The following RPRD1A variants were observed in gnomAD, a reference collection of about 807,000 sequenced individuals.
RPRD1A encodes the protein regulation of nuclear pre-mRNA domain containing 1A, also known as regulation of nuclear pre-mRNA domain-containing protein 1A.
A neutral mutation model predicts 37.8 loss-of-function variants in RPRD1A; 9 were observed. The ratio of observed to expected loss-of-function variants is 0.24; its 90% CI spans 0.14 to 0.42. The LOEUF is 0.42. RPRD1A is among the 10% of genes least tolerant of loss of function. The pLI is 1.00. For synonymous variants in RPRD1A, 138 were observed against 139.7 expected (o/e 0.99, Z 0.08); for missense variants, 255 against 371.0 (o/e 0.69, Z 2.57).
At chr18:36,028,974 G>A (rs1036952931) in intron 4 of RPRD1A, among the ~76,000 whole-genome samples, 2 of 152,142 alleles carry the variant, frequency 1.3e-5, no homozygotes, top group Non-Finnish European at 2.9e-5. Context: ...CTAGAACTTA[G>A]GTAAAACACT....
chr18:36,032,653 T>C (rs1460316608), intron 2 of RPRD1A, among the ~76,000 whole-genome samples: 1 of 152,130 alleles, frequency 6.6e-6, no homozygotes, highest in East Asian at 1.9e-4. Context: ...GGGAAAGAAA[T>C]CCAAAGAACC....
intron 2 of RPRD1A, 72 bp downstream of exon 2, chr18:36,033,636 A>G: frequency 7.4e-7 from 1 of 1,343,290 alleles, no homozygotes; most frequent in Non-Finnish European, 1.0e-6. Flanking sequence ...TAATAGTTTA[A>G]GGCAAATTTT....
rs1332271611 is a variant in RPRD1A at position 36,067,250 on chromosome 18, T to C, written c.151+4A>G. On this transcript the variant is annotated splice_donor_region_variant and intron_variant, in intron 1 of 6. Coordinates refer to ENST00000399022, the MANE Select transcript of RPRD1A (RefSeq NM_018170.5). Reference sequence around the variant, plus strand: ...GAAGCGGCCGACATAAGCGGTTGACTCACCTTTCCGCAGCTCCCGCTCCCA... The same window carrying C: ...GAAGCGGCCGACATAAGCGGTTGACCCACCTTTCCGCAGCTCCCGCTCCCA... The C allele has an allele frequency of 6.3e-7, 1 of 1,579,522 alleles. No individual in the cohort carries two copies.
intron 6 of RPRD1A, chr18:36,025,316 G>T (rs1911287622): frequency 4.4e-6 from 1 of 228,382 alleles, no homozygotes; most frequent in Non-Finnish European, 8.8e-6. Context: ...AGTTGCTTAT[G>T]TGAAGTGCCT....
chr18:36,055,213 T>C (rs1464935315), intron 1 of RPRD1A, among the ~76,000 whole-genome samples: 1 of 152,226 alleles, frequency 6.6e-6, no homozygotes, highest in Non-Finnish European at 1.5e-5. Context: ...TTGACAAAAA[T>C]GATTTGCTAG....
At chr18:36,042,040 G>A (rs527461719) in intron 1 of RPRD1A, among the ~76,000 whole-genome samples, 2 of 152,288 alleles carry the variant, frequency 1.3e-5, no homozygotes, top group East Asian at 1.9e-4. Flanking sequence ...ATTTTCTATT[G>A]TTTTCCAAAC....
chr18:36,022,102 C>T (rs1911034056), intron 6 of RPRD1A, among the ~76,000 whole-genome samples: 1 of 152,188 alleles, frequency 6.6e-6, no homozygotes, highest in African/African-American at 2.4e-5. Flanking sequence ...GAAGATCAAA[C>T]CAGCCACATT....
chr18:36,041,661 T>C (rs960860042), intron 1 of RPRD1A, among the ~76,000 whole-genome samples: 2 of 152,202 alleles, frequency 1.3e-5, no homozygotes, highest in Admixed American at 1.3e-4. Context: ...ACCTATAGAT[T>C]CTAACAACTT....
At chr18:36,061,464 T>C (rs2088909154) in intron 1 of RPRD1A, among the ~76,000 whole-genome samples, 1 of 152,190 alleles carries the variant, frequency 6.6e-6, no homozygotes, top group Non-Finnish European at 1.5e-5. Context: ...TACAAAGAAT[T>C]TCCTCCTATC....
Position 36,001,831 on chromosome 18 carries a change from C to G in RPRD1A, c.790-8531G>C, listed in dbSNP as rs75866694. On this transcript the variant is annotated intron_variant, in intron 6 of 6. Transcript: ENST00000399022. ...ATTTCTCGTCCTTGTTATTCGACCT[C>G]TTTTTGACCACCTCCAGCACTAGCA... Among the ~76,000 whole-genome samples, 591 of 152,306 alleles carry G rather than the reference C, an allele frequency of 3.9e-3. 2 individuals are homozygous for G. Among genetic ancestry groups the G allele is most frequent in the Middle Eastern group, 0.014 (4 of 294 alleles).
At chr18:36,037,851 T>A (rs1332777944) in intron 1 of RPRD1A, among the ~76,000 whole-genome samples, 1 of 152,114 alleles carries the variant, frequency 6.6e-6, no homozygotes, top group East Asian at 1.9e-4. Context: ...ACGGGCAGCA[T>A]TTTGCCCCTG....
intron 2 of RPRD1A, 74 bp from the exon 3 acceptor site, chr18:36,031,171 G>C: frequency 7.0e-7 from 1 of 1,418,614 alleles, no homozygotes; most frequent in Non-Finnish European, 9.2e-7. Flanking sequence ...AAGGTTAACG[G>C]TAACTTTAAA....
chr18:36,015,092 C>A (rs377194546), intron 6 of RPRD1A, among the ~76,000 whole-genome samples: 2 of 151,170 alleles, frequency 1.3e-5, no homozygotes, highest in East Asian at 1.9e-4. Flanking sequence ...TTCAACCTCT[C>A]AGTAAATGCC....
In RPRD1A at chr18:35,990,021, C is replaced by G. The variant is rs962994379; in HGVS notation, c.*3130G>C. The G allele has an allele frequency of 1.1e-4, 16 of 152,166 alleles. No individual in the cohort carries two copies. The highest frequency in any genetic ancestry group is 3.4e-4 in the African/African-American group (14 of 41,430). The allele number at this position is 152,166 out of a possible 1,614,324, so 9.4% of individuals were successfully genotyped here. On this transcript the variant is annotated 3_prime_UTR_variant, in exon 7 of 7. Coordinates refer to ENST00000399022, the MANE Select transcript of RPRD1A (RefSeq NM_018170.5). ...TGTATAAATAATTCATTAAGTAACA[C>G]AATGTTTCCTTTCTATACAGAGAAG...
chr18:36,037,794 G>A (rs1912303240), intron 1 of RPRD1A, among the ~76,000 whole-genome samples: 1 of 152,164 alleles, frequency 6.6e-6, no homozygotes, highest in South Asian at 2.1e-4. Context: ...TGAGGAACCT[G>A]TTGGAAACTG....
At chr18:36,050,859 TTTTC>T (rs1480875840) in intron 1 of RPRD1A, among the ~76,000 whole-genome samples, 1 of 150,686 alleles carries the variant, frequency 6.6e-6, no homozygotes, top group East Asian at 1.9e-4. Flanking sequence ...TTTTCTTTTC[TTTTC>T]TTTTCTTTTT....
At chr18:36,019,318 G>A (rs1331153666) in intron 6 of RPRD1A, among the ~76,000 whole-genome samples, 4 of 151,634 alleles carry the variant, frequency 2.6e-5, no homozygotes, top group African/African-American at 9.7e-5. Flanking sequence ...CGTGTTAGCT[G>A]GGATGGTCTC....
intron 6 of RPRD1A, among the ~76,000 whole-genome samples, chr18:36,009,427 ACCT>A (rs1238961217): frequency 6.6e-6 from 1 of 151,878 alleles, no homozygotes; most frequent in African/African-American, 2.4e-5. Context: ...TGTTGTTCCA[ACCT>A]CCTGCTTCTA....
rs1908798335 is a variant in RPRD1A, at chr18:35,992,959, C to A, written c.*192G>T. 2.4e-6 allele frequency: 1 copy of A among 423,508 alleles called. No homozygotes were observed. The highest frequency in any genetic ancestry group is 4.1e-6 in the Non-Finnish European group (1 of 246,550). 26.2% of individuals were successfully genotyped at this position (423,508 alleles called of 1,614,324 possible). Reference sequence around the variant, plus strand: ...AATACACACAAATCATCACTTTGTTCAAATTAAGTCATGTTAATTTACCAA... The same window carrying A: ...AATACACACAAATCATCACTTTGTTAAAATTAAGTCATGTTAATTTACCAA... On this transcript the variant is annotated 3_prime_UTR_variant, in exon 7 of 7. Transcript: ENST00000399022.
Sources: allele counts gnomAD v4.1 joint callset (sites outside exome capture counted in the v4.1 genomes callset), GRCh38; gene constraint gnomAD v4.1.1; transcripts MANE v1.5; gene names NCBI Gene and HGNC (gene_info 2026-07-23, HGNC 2026-07-21).